The following PDE9A variants were observed in gnomAD, a reference collection of about 807,000 sequenced individuals.
PDE9A encodes the protein phosphodiesterase 9A.
In PDE9A, 60 loss-of-function variants were observed where a neutral mutation model predicts 87.4. The observed-to-expected ratio is 0.69, with a 90% confidence interval of 0.56 to 0.85. The LOEUF (loss-of-function observed/expected upper bound fraction) is 0.85. Among genes scored for constraint, PDE9A ranks in the 40% least tolerant of loss-of-function variants. The pLI, the probability that PDE9A is intolerant of heterozygous loss-of-function variation, is 0.00. For missense variants in PDE9A, 665 were observed against 779.0 expected (o/e 0.85, Z 1.74); for synonymous variants, 272 against 279.4 (o/e 0.97, Z 0.27).
rs894616844 is a variant in PDE9A, at chr21:42,769,231, ACACATATG to A, written c.1590+81_1590+88del. ...TGCACACACAGGCACACACACATAT[ACACATATG>A]CACACAGGTACACACAGACACACAC... On this transcript the variant is annotated intron_variant, in intron 17 of 19. Coordinates refer to ENST00000291539, the MANE Select transcript of PDE9A (RefSeq NM_002606.3). The A allele has an allele frequency of 4.3e-5, 57 of 1,312,882 alleles. No homozygotes were observed. In the African/African-American group the frequency reaches 5.2e-4, roughly 12 times the overall value. 81.3% of individuals were successfully genotyped at this position (1,312,882 alleles called of 1,614,324 possible).
chr21:42,733,257 A>G (rs1312158039), intron 6 of PDE9A, 99 bp from the exon 7 acceptor site: 6 of 729,714 alleles, frequency 8.2e-6, no homozygotes, highest in Admixed American at 2.0e-5. Flanking sequence ...GGCCTTGCCC[A>G]TGCCCACAGC....
intron 10 of PDE9A, 46 bp from the exon 11 acceptor site, chr21:42,758,953 C>A: frequency 1.4e-6 from 2 of 1,446,126 alleles, no homozygotes; most frequent in Non-Finnish European, 1.9e-6. Context: ...GGCTGGGGAG[C>A]CGGCCACACA....
chr21:42,670,508 TCACA>T (rs200958091), intron 1 of PDE9A, among the ~76,000 whole-genome samples: 6 of 147,388 alleles, frequency 4.1e-5, no homozygotes, highest in South Asian at 2.2e-4. Flanking sequence ...ACTCACACCT[TCACA>T]CACACAGGCA....
rs1283191191 is a variant in PDE9A, at chr21:42,704,870, G to T, written c.262+5859G>T. On this transcript the variant is annotated intron_variant, in intron 4 of 19. Coordinates refer to ENST00000291539, the MANE Select transcript of PDE9A (RefSeq NM_002606.3). This position sits in a 1 kb window ranked among gnomAD's most constrained non-coding sequence, Gnocchi z 5.3. ...AGGTTTCAGTAAATGCCTCTAACGG[G>T]CCCGGTGGAACTGTGCAATGCAGAA... 2.0e-5 allele frequency among the ~76,000 whole-genome samples: 3 copies of T among 152,360 alleles called. No homozygotes were observed. The highest frequency in any genetic ancestry group is 2.1e-4 in the South Asian group (1 of 4,830).
At chr21:42,677,444 C>T (rs1389828514) in intron 1 of PDE9A, among the ~76,000 whole-genome samples, 1 of 152,168 alleles carries the variant, frequency 6.6e-6, no homozygotes, top group Non-Finnish European at 1.5e-5. Flanking sequence ...GGTTTACCAG[C>T]TTTATGGGGT....
At chr21:42,749,019 C>T (rs1054208805) in intron 8 of PDE9A, among the ~76,000 whole-genome samples, 4 of 152,156 alleles carry the variant, frequency 2.6e-5, no homozygotes, top group African/African-American at 4.8e-5. Flanking sequence ...TGGTTTAAAC[C>T]GCTTCCCGTC....
Position 42,760,515 on chromosome 21 carries a change from C to A in PDE9A, c.1002+83C>A. ...CCTTCCAGGGAGCGGCAGCCCCATC[C>A]CACCAAGAGAGCCACAGGCGTGGGG... On this transcript the variant is annotated intron_variant, in intron 12 of 19. Coordinates refer to ENST00000291539, the MANE Select transcript of PDE9A (RefSeq NM_002606.3). The surrounding 1 kb of genome is among the most constrained non-coding windows in gnomAD (Gnocchi z 5.2). The A allele has an allele frequency of 1.2e-6, 1 of 850,376 alleles. No homozygotes were observed. The highest frequency in any genetic ancestry group is 1.4e-5 in the South Asian group (1 of 69,400). The allele number at this position is 850,376 out of a possible 1,614,324, so 52.7% of individuals were successfully genotyped here. A position where few individuals can be genotyped will look rare whatever the true frequency, so the allele number is the denominator to read the frequency against.
intron 3 of PDE9A, among the ~76,000 whole-genome samples, chr21:42,691,858 G>A (rs972328372): frequency 6.8e-6 from 1 of 147,394 alleles, no homozygotes; most frequent in Admixed American, 6.7e-5. Flanking sequence ...AAGTCACCCA[G>A]CCCATCACCA....
At chr21:42,728,019 G>T (rs1428520581) in intron 4 of PDE9A, among the ~76,000 whole-genome samples, 1 of 152,148 alleles carries the variant, frequency 6.6e-6, no homozygotes, top group Non-Finnish European at 1.5e-5. Context: ...TGGCTCTTCT[G>T]TATCTGTGTG....
intron 8 of PDE9A, among the ~76,000 whole-genome samples, chr21:42,748,609 C>T (rs970721456): frequency 6.6e-6 from 1 of 152,184 alleles, no homozygotes; most frequent in Non-Finnish European, 1.5e-5. Context: ...GGGTGCACAC[C>T]GATCATGACA....
At chr21:42,768,536 T>A in intron 16 of PDE9A, 1 of 1,302,316 alleles carries the variant, frequency 7.7e-7, no homozygotes, top group Non-Finnish European at 9.7e-7. Context: ...TCACTGCTAA[T>A]TGAGCCATTA....
chr21:42,692,488 A>G lies in PDE9A; in HGVS notation c.218+4494A>G, dbSNP rs919328173. Among the ~76,000 whole-genome samples, 5 of 152,110 alleles carry G rather than the reference A, an allele frequency of 3.3e-5. No homozygotes were observed. Among genetic ancestry groups the G allele is most frequent in the African/African-American group, 9.6e-5 (4 of 41,518 alleles). On this transcript the variant is annotated intron_variant, in intron 3 of 19. Transcript: ENST00000291539. The surrounding 1 kb of genome is among the most constrained non-coding windows in gnomAD (Gnocchi z 4.3). ...GTCGCTGTCCTCTCACCCTCCCCCA[A>G]TCTTCCAACCTAGTAGTTCTCAGAC...
chr21:42,755,381 AG>A (rs1490468289), intron 10 of PDE9A, among the ~76,000 whole-genome samples: 2 of 152,170 alleles, frequency 1.3e-5, no homozygotes, highest in Non-Finnish European at 2.9e-5. Flanking sequence ...AGAAAAGCAA[AG>A]CTCCAGCCTC....
chr21:42,684,483 C>T (rs1028703937), intron 1 of PDE9A, among the ~76,000 whole-genome samples: 24 of 152,244 alleles, frequency 1.6e-4, no homozygotes, highest in African/African-American at 5.8e-4. Context: ...AGGATGGTGC[C>T]ATGGTAGAAG....
At position 42,659,787 on chromosome 21, in the gene PDE9A, C is replaced by A. The variant is rs192329997; in HGVS notation, c.69+5904C>A. ...GCCCGCACCTTCGTCTTCCAGCCAG[C>A]CTCTCCGGAGCTCAGTGTGGGTGGA... is the stretch of plus-strand genomic sequence containing the variant. On this transcript the variant is annotated intron_variant, in intron 1 of 19. Transcript: ENST00000291539. This position sits in a 1 kb window ranked among gnomAD's most constrained non-coding sequence, Gnocchi z 4.1. 1.3e-5 allele frequency among the ~76,000 whole-genome samples: 2 copies of A among 152,222 alleles called. No individual in the cohort carries two copies. The highest frequency in any genetic ancestry group is 2.9e-5 in the Non-Finnish European group (2 of 68,042).
intron 1 of PDE9A, among the ~76,000 whole-genome samples, chr21:42,678,021 A>C (rs1374083439): frequency 1.3e-5 from 2 of 152,254 alleles, no homozygotes; most frequent in Non-Finnish European, 2.9e-5. Flanking sequence ...CACAATTTCC[A>C]GTGGTCATTG....
Position 42,760,790 on chromosome 21 carries a change from G to T in PDE9A, c.1003-35G>T. The T allele has an allele frequency of 1.6e-5, 19 of 1,169,096 alleles. No homozygotes were observed. The highest frequency in any genetic ancestry group is 2.4e-5 in the Non-Finnish European group (19 of 776,658). The allele number at this position is 1,169,096 out of a possible 1,614,324, so 72.4% of individuals were successfully genotyped here. ...CACCCCATCCCACCCTCCGAGTGAA[G>T]AGAGCAAACACCTACGCCCTGTTTT... On this transcript the variant is annotated intron_variant, in intron 12 of 19. Transcript: ENST00000291539. The surrounding 1 kb of genome is among the most constrained non-coding windows in gnomAD (Gnocchi z 5.2).
chr21:42,743,716 T>G, intron 7 of PDE9A, 60 bp from the exon 8 acceptor site: 1 of 1,103,250 alleles, frequency 9.1e-7, no homozygotes, highest in Non-Finnish European at 1.4e-6. Context: ...TTACCAGCCT[T>G]GAGAGATCCT....
At chr21:42,690,075 C>T (rs981704598) in intron 3 of PDE9A, 2 of 984,850 alleles carry the variant, frequency 2.0e-6, no homozygotes, top group Non-Finnish European at 2.4e-6. Flanking sequence ...GAGGTAGACG[C>T]GGGTGAGGAT....
Sources: gnomAD v4.1 joint callset for allele counts (sites outside exome capture counted in the v4.1 genomes callset) on GRCh38, gnomAD v4.1.1 for gene constraint, Gnocchi (gnomAD v3.1) non-coding constraint, MANE v1.5 for transcripts, NCBI Gene and HGNC (gene_info 2026-07-23, HGNC 2026-07-21) for gene names.